CSMD1: variants seen among roughly 807,000 people sequenced by gnomAD.
CSMD1 encodes the protein CUB and Sushi multiple domains 1.
Under a neutral mutation model 417.5 loss-of-function variants are expected in CSMD1, and 213 were observed. That is an observed-to-expected ratio of 0.51 (90% CI 0.46 to 0.57). The LOEUF is 0.57. CSMD1 is among the 20% of genes least tolerant of loss of function. The pLI, the probability that CSMD1 is intolerant of heterozygous loss-of-function variation, is 0.00. For missense variants in CSMD1, 6,923 were observed against 4,529.7 expected (o/e 1.53, Z -15.17); for synonymous variants, 2,862 against 1,736.8 (o/e 1.65, Z -16.11).
intron 3 of CSMD1, among the ~76,000 whole-genome samples, chr8:4,188,501 CA>C (rs1280858512): frequency 3.9e-5 from 6 of 152,108 alleles, no homozygotes. Flanking sequence ...AACCTGGTCA[CA>C]AAAGATGACT....
intron 5 of CSMD1, among the ~76,000 whole-genome samples, chr8:3,909,187 T>A (rs907171672): frequency 1.3e-5 from 2 of 152,076 alleles, no homozygotes; most frequent in South Asian, 4.2e-4. Flanking sequence ...TAGCTAAGAT[T>A]TGTGGATGTG....
At chr8:2,987,984 C>A (rs1282627971) in intron 54 of CSMD1, among the ~76,000 whole-genome samples, 3 of 152,114 alleles carry the variant, frequency 2.0e-5, no homozygotes, top group Non-Finnish European at 2.9e-5. Context: ...ACCTGTGAAC[C>A]CATCACCTAG....
chr8:4,123,480 A>T (rs1411094049), intron 3 of CSMD1, among the ~76,000 whole-genome samples: 1 of 152,208 alleles, frequency 6.6e-6, no homozygotes, highest in Non-Finnish European at 1.5e-5. Context: ...AAATCAGTGC[A>T]GTTGAATTGC....
At chr8:3,207,493 T>G (rs1389299107) in intron 30 of CSMD1, among the ~76,000 whole-genome samples, 1 of 152,056 alleles carries the variant, frequency 6.6e-6, no homozygotes, top group Non-Finnish European at 1.5e-5. Flanking sequence ...AGATAACATG[T>G]TTAATTCTTT....
intron 6 of CSMD1, among the ~76,000 whole-genome samples, chr8:3,731,902 G>GA (rs1451609451): frequency 6.6e-6 from 1 of 152,180 alleles, no homozygotes; most frequent in African/African-American, 2.4e-5. Context: ...TGAATAATGT[G>GA]ACCTTAGTGG....
At chr8:4,761,723 A>C (rs2117097766) in intron 1 of CSMD1, among the ~76,000 whole-genome samples, 1 of 152,272 alleles carries the variant, frequency 6.6e-6, no homozygotes, top group South Asian at 2.1e-4. Flanking sequence ...ATTCTGAAGT[A>C]ATGAATTAGG....
intron 1 of CSMD1, among the ~76,000 whole-genome samples, chr8:4,826,593 C>G (rs185017771): frequency 2.0e-5 from 3 of 152,126 alleles, no homozygotes; most frequent in Non-Finnish European, 4.4e-5. Context: ...CCTTAAACAA[C>G]TGATGGAAGA....
chr8:3,377,212 G>A (rs1995460), intron 18 of CSMD1, among the ~76,000 whole-genome samples: 71,093 of 151,910 alleles, frequency 0.47, 16,853 homozygotes, highest in Middle Eastern at 0.48. Flanking sequence ...GGGTTTTACT[G>A]TGTTGCCCAG....
At chr8:3,866,453 G>C (rs17067806) in intron 5 of CSMD1, among the ~76,000 whole-genome samples, 2 of 152,128 alleles carry the variant, frequency 1.3e-5, no homozygotes, top group South Asian at 2.1e-4. Context: ...TGTTTAAATA[G>C]TGTGTGCTTG....
At chr8:3,574,854 C>G (rs538326838) in intron 10 of CSMD1, 91 bp downstream of exon 10, 7 of 1,414,266 alleles carry the variant, frequency 4.9e-6, no homozygotes, top group Admixed American at 2.0e-5. Flanking sequence ...AGTGTAAGCA[C>G]GGATAGCATT....
intron 1 of CSMD1, among the ~76,000 whole-genome samples, chr8:4,966,597 T>C (rs996050204): frequency 2.6e-5 from 4 of 152,112 alleles, no homozygotes; most frequent in Admixed American, 1.3e-4. Flanking sequence ...ACATTTGTGA[T>C]TGAGAGGTAC....
intron 3 of CSMD1, among the ~76,000 whole-genome samples, chr8:4,205,941 G>A (rs1799953706): frequency 6.6e-6 from 1 of 152,088 alleles, no homozygotes; most frequent in Non-Finnish European, 1.5e-5. Context: ...TGACTCCCAA[G>A]TTACTTGCTA....
chr8:4,946,048 T>C (rs1293998768), intron 1 of CSMD1, among the ~76,000 whole-genome samples: 1 of 152,166 alleles, frequency 6.6e-6, no homozygotes, highest in African/African-American at 2.4e-5. Context: ...CCGTCTGCTG[T>C]GGTCCTTCAG....
At chr8:3,814,467 C>T (rs771329743) in intron 5 of CSMD1, among the ~76,000 whole-genome samples, 8 of 152,154 alleles carry the variant, frequency 5.3e-5, no homozygotes, top group Non-Finnish European at 1.0e-4. Flanking sequence ...ATGATTTGCA[C>T]ACTCCATAGC....
At chr8:2,939,735 G>A (rs1440858944) in intron 69 of CSMD1, among the ~76,000 whole-genome samples, 2 of 152,210 alleles carry the variant, frequency 1.3e-5, no homozygotes, top group Non-Finnish European at 2.9e-5. Flanking sequence ...GTGGCACATG[G>A]CTCTGAGAAA....
At chr8:4,208,872 C>A (rs1327676024) in intron 3 of CSMD1, among the ~76,000 whole-genome samples, 1 of 152,086 alleles carries the variant, frequency 6.6e-6, no homozygotes, top group Non-Finnish European at 1.5e-5. Flanking sequence ...ATTCAAAATA[C>A]CAGGGAGTGT....
At chr8:4,056,227 G>C (rs1029075266) in intron 3 of CSMD1, among the ~76,000 whole-genome samples, 5 of 151,462 alleles carry the variant, frequency 3.3e-5, no homozygotes, top group African/African-American at 1.2e-4. Context: ...GATTACAGGT[G>C]TGTACTCCCA....
At chr8:3,909,038 G>A (rs540410047) in intron 5 of CSMD1, among the ~76,000 whole-genome samples, 61 of 152,258 alleles carry the variant, frequency 4.0e-4, no homozygotes, top group African/African-American at 1.4e-3. Flanking sequence ...TCACATTGTG[G>A]GTGAAATGCG....
intron 2 of CSMD1, among the ~76,000 whole-genome samples, chr8:4,615,505 C>T (rs1801423666): frequency 6.6e-6 from 1 of 152,114 alleles, no homozygotes; most frequent in South Asian, 2.1e-4. Context: ...TGTCCAAATT[C>T]TAATTTTAAA....
Sources: gnomAD v4.1 joint callset for allele counts (sites outside exome capture counted in the v4.1 genomes callset) on GRCh38, gnomAD v4.1.1 for gene constraint, MANE v1.5 for transcripts, NCBI Gene and HGNC (gene_info 2026-07-23, HGNC 2026-07-21) for gene names.